CRPPA: variants seen among roughly 807,000 people sequenced by gnomAD.
CRPPA encodes D-ribitol-5-phosphate cytidylyltransferase.
In CRPPA, 43 loss-of-function variants were observed where a neutral mutation model predicts 52.0. The observed-to-expected ratio is 0.83, with a 90% CI of 0.65 to 1.07. The LOEUF is 1.07. CRPPA is among the 50% of genes least tolerant of loss of function. CRPPA has a pLI of 0.00. For synonymous variants in CRPPA, 250 were observed against 203.5 expected (o/e 1.23, Z -1.94); for missense variants, 629 against 551.7 (o/e 1.14, Z -1.40).
intron 3 of CRPPA, among the ~76,000 whole-genome samples, chr7:16,362,530 T>C (rs530666054): frequency 6.6e-6 from 1 of 152,222 alleles, no homozygotes; most frequent in Non-Finnish European, 1.5e-5. Context: ...ATGTGAATTT[T>C]GGAGGGACAC....
chr7:16,406,207 T>C lies in CRPPA; in HGVS notation c.388A>G (p.Ile130Val), dbSNP rs2128318453. 1 of 1,614,000 alleles carries C rather than the reference T, an allele frequency of 6.2e-7. No homozygotes were observed. The highest frequency in any genetic ancestry group is 8.5e-7 in the Non-Finnish European group (1 of 1,179,880). The change falls in exon 2 of 10, where the codon ATT (isoleucine) becomes GTT (valine). Residue 130 changes from isoleucine (I) to valine (V), a missense_variant. By Grantham distance (29) the Ile-to-Val change is conservative (BLOSUM62 3). Coordinates refer to ENST00000407010, the MANE Select transcript of CRPPA (RefSeq NM_001101426.4). ...GCCAGTGCTTTTAGTCCATTGAAAA[T>C]TGACCTGTGGCGGGTCACTCCAGCT... Reference protein sequence around the residue: ...VEAGVTRHRSIFNGLKALAED... With the variant: ...VEAGVTRHRSVFNGLKALAED...
chr7:16,369,544 G>C (rs183431476), intron 3 of CRPPA, among the ~76,000 whole-genome samples: 1 of 151,776 alleles, frequency 6.6e-6, no homozygotes, highest in Admixed American at 6.6e-5. Flanking sequence ...AATATGAGAC[G>C]GTCTTTCTCT....
intron 9 of CRPPA, among the ~76,000 whole-genome samples, chr7:16,129,312 A>G (rs1031493502): frequency 4.0e-5 from 6 of 151,894 alleles, no homozygotes; most frequent in African/African-American, 1.2e-4. Context: ...AAAGTCTTTC[A>G]TCTCCTGCCT....
chr7:16,293,269 AAAGT>A (rs149771759), intron 5 of CRPPA, among the ~76,000 whole-genome samples: 1 of 152,046 alleles, frequency 6.6e-6, no homozygotes, highest in African/African-American at 2.4e-5. Flanking sequence ...CTCTTGAGTC[AAAGT>A]TAGATGTGCC....
At chr7:16,258,088 T>C (rs1468491808) in intron 8 of CRPPA, among the ~76,000 whole-genome samples, 1 of 152,078 alleles carries the variant, frequency 6.6e-6, no homozygotes, top group Non-Finnish European at 1.5e-5. Flanking sequence ...CTGTTTTACA[T>C]ATCCAAACAA....
At chr7:16,140,507 G>A (rs991855106) in intron 9 of CRPPA, among the ~76,000 whole-genome samples, 4 of 152,136 alleles carry the variant, frequency 2.6e-5, no homozygotes, top group African/African-American at 9.7e-5. Flanking sequence ...ATATGCTTTA[G>A]TCATACAAAT....
intron 5 of CRPPA, among the ~76,000 whole-genome samples, chr7:16,300,269 A>G (rs1327693747): frequency 6.6e-6 from 1 of 152,200 alleles, no homozygotes; most frequent in Non-Finnish European, 1.5e-5. Flanking sequence ...AAGTCTGTTG[A>G]TGGTTAAATA....
chr7:16,313,428 G>C (rs1014087705), intron 3 of CRPPA, among the ~76,000 whole-genome samples: 4 of 151,680 alleles, frequency 2.6e-5, no homozygotes, highest in African/African-American at 9.7e-5. Flanking sequence ...TTTCATTTCT[G>C]TATTAATTTG....
chr7:16,282,675 T>C (rs1017403015), intron 5 of CRPPA, among the ~76,000 whole-genome samples: 12 of 152,188 alleles, frequency 7.9e-5, no homozygotes, highest in East Asian at 7.7e-4. Context: ...TATGTGAAGC[T>C]ATATTAATAG....
At chr7:16,286,001 T>A (rs1784419946) in intron 5 of CRPPA, among the ~76,000 whole-genome samples, 1 of 90,862 alleles carries the variant, frequency 1.1e-5, no homozygotes. Flanking sequence ...GCTTAGGCAG[T>A]AAGAGTGAAA....
intron 3 of CRPPA, among the ~76,000 whole-genome samples, chr7:16,360,498 G>T (rs1291774508): frequency 1.3e-5 from 2 of 152,136 alleles, no homozygotes; most frequent in African/African-American, 4.8e-5. Flanking sequence ...AAACAGTGTA[G>T]TAGTAGCAGT....
intron 5 of CRPPA, among the ~76,000 whole-genome samples, chr7:16,299,539 C>T (rs1329090474): frequency 1.3e-5 from 2 of 152,062 alleles, no homozygotes; most frequent in Non-Finnish European, 1.5e-5. Context: ...AGAGCATTTA[C>T]TGAGAGTAGA....
chr7:16,254,077 G>A lies in CRPPA; in HGVS notation c.1119+4313C>T, dbSNP rs1783540285. ...CAGTTAGAATGGCGATCATTAAAAAGTCAGGAAACAACAGATGCCGGAGAG... is the reference window on the plus strand; with the variant it reads ...CAGTTAGAATGGCGATCATTAAAAAATCAGGAAACAACAGATGCCGGAGAG... On this transcript the variant is annotated intron_variant, in intron 8 of 9. Coordinates refer to ENST00000407010, the MANE Select transcript of CRPPA (RefSeq NM_001101426.4). 3.3e-5 allele frequency among the ~76,000 whole-genome samples: 5 copies of A among 152,254 alleles called. 1 individual carries two copies. In the South Asian group the frequency reaches 1.0e-3, roughly 32 times the overall value.
At chr7:16,263,494 G>T (rs1395446620) in intron 6 of CRPPA, among the ~76,000 whole-genome samples, 1 of 152,168 alleles carries the variant, frequency 6.6e-6, no homozygotes, top group Non-Finnish European at 1.5e-5. Context: ...GCTCACGCCT[G>T]TCATCCCAGC....
intron 8 of CRPPA, among the ~76,000 whole-genome samples, chr7:16,245,643 C>G (rs1301175949): frequency 6.6e-6 from 1 of 152,154 alleles, no homozygotes; most frequent in African/African-American, 2.4e-5. Flanking sequence ...AATATCACCA[C>G]ACTAAGTCAG....
At chr7:16,407,565 A>G (rs1787983940) in intron 1 of CRPPA, among the ~76,000 whole-genome samples, 1 of 152,192 alleles carries the variant, frequency 6.6e-6, no homozygotes, top group Non-Finnish European at 1.5e-5. Context: ...TTTTAAAGAT[A>G]TGGAAGGGCC....
At chr7:16,391,764 C>A (rs999528519) in intron 2 of CRPPA, among the ~76,000 whole-genome samples, 17 of 152,150 alleles carry the variant, frequency 1.1e-4, no homozygotes, top group African/African-American at 3.6e-4. Flanking sequence ...GCTGTCTCTC[C>A]AGCACCTAGA....
intron 9 of CRPPA, chr7:16,208,851 A>G (rs1040432934): frequency 9.4e-6 from 2 of 212,866 alleles, no homozygotes; most frequent in Non-Finnish European, 1.9e-5. Flanking sequence ...GTTGTATATA[A>G]TGACATTGGG....
intron 2 of CRPPA, among the ~76,000 whole-genome samples, chr7:16,397,600 CGTGTGACACGTGACACGTGACCAACACGT>C (rs1198065317): frequency 6.6e-6 from 1 of 152,130 alleles, no homozygotes; most frequent in Non-Finnish European, 1.5e-5. Flanking sequence ...AGATTACTGA[CGTGTGACACGTGACACGTGACCAACACGT>C]GTGTGACACG....
Sources: gnomAD v4.1 joint callset for allele counts (sites outside exome capture counted in the v4.1 genomes callset) on GRCh38, gnomAD v4.1.1 for gene constraint, MANE v1.5 for transcripts, NCBI Gene and HGNC (gene_info 2026-07-23, HGNC 2026-07-21) for gene names.